Variants in DENND1A observed in about 807,000 individuals in gnomAD.
The protein encoded by DENND1A is DENN domain-containing protein 1A.
In DENND1A, 51 loss-of-function variants were observed where a neutral mutation model predicts 113.7. That is an observed-to-expected ratio of 0.45 (90% CI 0.36 to 0.57). The LOEUF (loss-of-function observed/expected upper bound fraction) is 0.57. Ranked by LOEUF, DENND1A falls within the 20% of genes least tolerant of loss-of-function variation. The pLI, the probability that DENND1A is intolerant of heterozygous loss-of-function variation, is 0.00. For missense variants in DENND1A, 1,258 were observed against 1,395.9 expected, an observed-to-expected ratio of 0.90 and a Z score of 1.57; for synonymous variants, 565 against 570.8, an observed-to-expected ratio of 0.99 and a Z score of 0.14.
At chr9:123,641,585 C>A (rs1428179559) in intron 9 of DENND1A, among the ~76,000 whole-genome samples, 1 of 152,134 alleles carries the variant, frequency 6.6e-6, no homozygotes, top group Non-Finnish European at 1.5e-5. Flanking sequence ...GCCAAGGCCC[C>A]AGTCAAAGCT....
intron 4 of DENND1A, among the ~76,000 whole-genome samples, chr9:123,766,463 G>A (rs1365436391): frequency 6.6e-6 from 1 of 152,188 alleles, no homozygotes; most frequent in East Asian, 1.9e-4. Flanking sequence ...ATCTCCTAGA[G>A]CTTCTAGGAA....
intron 1 of DENND1A, among the ~76,000 whole-genome samples, chr9:123,913,526 A>G (rs953922968): frequency 1.5e-4 from 23 of 152,180 alleles, no homozygotes; most frequent in African/African-American, 5.5e-4. Context: ...AATTAAGGAT[A>G]CAATAAAAGC....
chr9:123,766,890 G>A (rs894353784), intron 4 of DENND1A, among the ~76,000 whole-genome samples: 6 of 152,208 alleles, frequency 3.9e-5, no homozygotes, highest in Admixed American at 2.0e-4. Context: ...GATGATGACT[G>A]TGAAAATCCA....
chr9:123,559,285 C>A (rs959531148), intron 12 of DENND1A, among the ~76,000 whole-genome samples: 9 of 152,018 alleles, frequency 5.9e-5, no homozygotes, highest in African/African-American at 2.2e-4. Context: ...GAGAGAGAAA[C>A]AGAAAACTAA....
intron 1 of DENND1A, among the ~76,000 whole-genome samples, chr9:123,896,065 T>C (rs775158107): frequency 7.0e-4 from 106 of 152,044 alleles, no homozygotes; most frequent in Non-Finnish European, 2.1e-4. Flanking sequence ...TCTGTAATTC[T>C]AGCACTTGGG....
intron 5 of DENND1A, among the ~76,000 whole-genome samples, chr9:123,731,409 C>T (rs2068160169): frequency 6.6e-6 from 1 of 152,138 alleles, no homozygotes; most frequent in Non-Finnish European, 1.5e-5. Context: ...CACACAAACA[C>T]TGCGTAGTCC....
At chr9:123,585,631 A>G (rs1035042012) in intron 11 of DENND1A, among the ~76,000 whole-genome samples, 1 of 152,192 alleles carries the variant, frequency 6.6e-6, no homozygotes, top group Non-Finnish European at 1.5e-5. Context: ...AAGGTACAAA[A>G]ACAGCATCAA....
chr9:123,435,405 C>T (rs1333504984), intron 19 of DENND1A, among the ~76,000 whole-genome samples: 2 of 152,188 alleles, frequency 1.3e-5, no homozygotes, highest in Admixed American at 1.3e-4. Context: ...CCTGGGGCTG[C>T]TATCCAGACC....
At chr9:123,481,235 A>G (rs2050311381) in intron 13 of DENND1A, among the ~76,000 whole-genome samples, 1 of 152,242 alleles carries the variant, frequency 6.6e-6, no homozygotes, top group African/African-American at 2.4e-5. Flanking sequence ...CAGGAAGAAA[A>G]ATTATGAGGC....
chr9:123,824,284 C>A (rs1752169), intron 2 of DENND1A, among the ~76,000 whole-genome samples: 61,280 of 151,952 alleles, frequency 0.4, 15,647 homozygotes, highest in African/African-American at 0.73. Flanking sequence ...ACTCTAAACC[C>A]CAGTACCACT....
At chr9:123,387,918 C>T in intron 21 of DENND1A, 60 bp from the exon 22 acceptor site, 2 of 1,270,394 alleles carry the variant, frequency 1.6e-6, no homozygotes, top group South Asian at 2.5e-5. Flanking sequence ...CTCAGAACTT[C>T]ACGTGCAGGC....
intron 2 of DENND1A, among the ~76,000 whole-genome samples, chr9:123,862,017 C>T (rs563735352): frequency 6.6e-6 from 1 of 152,300 alleles, no homozygotes; most frequent in Admixed American, 6.5e-5. Flanking sequence ...GCTCTTTCAG[C>T]AAAAGCAAAA....
Position 123,846,990 on chromosome 9 carries a change from C to G in DENND1A, c.88+31961G>C, listed in dbSNP as rs113742015. Among the ~76,000 whole-genome samples, 3 of 152,240 alleles carry G rather than the reference C, an allele frequency of 2.0e-5. 1 individual carries two copies. Among genetic ancestry groups the G allele is most frequent in the African/African-American group, 7.2e-5 (3 of 41,558 alleles). On this transcript the variant is annotated intron_variant, in intron 2 of 23. Transcript: ENST00000394215. ...TATTAAAAATAATTAAAATTAAACA[C>G]TAAATCAATGGGTTTTTTGTTTGTT... is the stretch of plus-strand genomic sequence containing the variant.
intron 13 of DENND1A, among the ~76,000 whole-genome samples, chr9:123,541,367 T>C (rs376240661): frequency 6.6e-6 from 1 of 152,214 alleles, no homozygotes; most frequent in Non-Finnish European, 1.5e-5. Flanking sequence ...TAAACACTTA[T>C]CAACCCAGGA....
chr9:123,877,992 A>G (rs1847756944), intron 2 of DENND1A, among the ~76,000 whole-genome samples: 1 of 151,972 alleles, frequency 6.6e-6, no homozygotes, highest in Admixed American at 6.6e-5. Flanking sequence ...GTTCATATTA[A>G]CAAATGCCTT....
At chr9:123,509,903 C>G (rs7863082) in intron 13 of DENND1A, among the ~76,000 whole-genome samples, 12,885 of 152,238 alleles carry the variant, frequency 0.085, 1,839 homozygotes, top group African/African-American at 0.29. Context: ...TCCAATGCCT[C>G]TATCTCCTTC....
chr9:123,505,004 AAG>A (rs1324685740), intron 13 of DENND1A, among the ~76,000 whole-genome samples: 1 of 152,254 alleles, frequency 6.6e-6, no homozygotes, highest in Non-Finnish European at 1.5e-5. Context: ...CTTGTAAAAG[AAG>A]AGTTTTGCTG....
intron 13 of DENND1A, among the ~76,000 whole-genome samples, chr9:123,488,435 G>A (rs1267255986): frequency 1.3e-5 from 2 of 152,240 alleles, no homozygotes; most frequent in East Asian, 3.8e-4. Flanking sequence ...CCCAATGAGG[G>A]AGTCTGATTT....
intron 2 of DENND1A, among the ~76,000 whole-genome samples, chr9:123,825,624 T>C (rs536427059): frequency 6.6e-6 from 1 of 152,384 alleles, no homozygotes; most frequent in African/African-American, 2.4e-5. Context: ...GTAAGATGCA[T>C]CACGATTTCA....
Sources: allele counts gnomAD v4.1 joint callset (sites outside exome capture counted in the v4.1 genomes callset), GRCh38; gene constraint gnomAD v4.1.1; transcripts MANE v1.5; gene names NCBI Gene and HGNC (gene_info 2026-07-23, HGNC 2026-07-21).